LZTS1: variants seen among roughly 807,000 people sequenced by gnomAD.
LZTS1 encodes the protein leucine zipper putative tumor suppressor 1.
A neutral mutation model predicts 45.8 loss-of-function variants in LZTS1; 31 were observed. That is an observed-to-expected ratio of 0.68 (90% CI 0.51 to 0.91). The LOEUF (loss-of-function observed/expected upper bound fraction) is 0.91, where lower values mean the gene tolerates loss of function less well. Among genes scored for constraint, LZTS1 ranks in the 40% least tolerant of loss-of-function variants. The probability of loss-of-function intolerance (pLI) is 0.00; values close to 1 mark genes in which losing one functional copy is unlikely to be tolerated. For synonymous variants in LZTS1, 359 were observed against 357.3 expected (o/e 1.00, Z -0.05); for missense variants, 821 against 788.9 (o/e 1.04, Z -0.49).
chr8:20,303,956 G>A lies in LZTS1; in HGVS notation c.-351C>T. Reference sequence around the variant, plus strand: ...CAACCCGCCAGCTCCAGGCGCGCCGGCCTCTGCGCGGGTCCCGGAGCCGGG... The same window carrying A: ...CAACCCGCCAGCTCCAGGCGCGCCGACCTCTGCGCGGGTCCCGGAGCCGGG... On this transcript the variant is annotated 5_prime_UTR_variant, in exon 1 of 4. Transcript: ENST00000381569. The A allele has an allele frequency of 1.0e-6, 1 of 959,240 alleles. No individual in the cohort carries two copies. Among genetic ancestry groups the A allele is most frequent in the Non-Finnish European group, 1.2e-6 (1 of 807,480 alleles). The allele number at this position is 959,240 out of a possible 1,614,324, so 59.4% of individuals were successfully genotyped here.
intron 1 of LZTS1, among the ~76,000 whole-genome samples, chr8:20,270,316 G>A (rs1450258573): frequency 6.6e-6 from 1 of 152,224 alleles, no homozygotes; most frequent in Non-Finnish European, 1.5e-5. Flanking sequence ...AGGGGGAAGA[G>A]CATTCTATGC....
chr8:20,265,676 CAAAAAAAAAAAAAAAA>C (rs71222140), intron 1 of LZTS1, among the ~76,000 whole-genome samples: 1 of 42,996 alleles, frequency 2.3e-5, no homozygotes, highest in East Asian at 9.6e-4. Flanking sequence ...GACTCTGTCT[CAAAAAAAAAAAAAAAA>C]AAAAAAAAAA....
intron 1 of LZTS1, among the ~76,000 whole-genome samples, chr8:20,275,489 C>T (rs1563883344): frequency 6.6e-6 from 1 of 151,768 alleles, no homozygotes; most frequent in Non-Finnish European, 1.5e-5. Context: ...CCTGCAGACC[C>T]CAGAGAGAGG....
Position 20,260,125 on chromosome 8 carries a change from C to T in LZTS1, c.-134-4810G>A, listed in dbSNP as rs181429326. ...CTGTGTTGCCCATGCTGGTCTTAAACTCCTGACCTCAAGCTATCCTCCCAC... is the reference window on the plus strand; with the variant it reads ...CTGTGTTGCCCATGCTGGTCTTAAATTCCTGACCTCAAGCTATCCTCCCAC... On this transcript the variant is annotated intron_variant, in intron 1 of 3. Coordinates refer to ENST00000381569, the MANE Select transcript of LZTS1 (RefSeq NM_021020.5). 2.4e-3 allele frequency among the ~76,000 whole-genome samples: 370 copies of T among 152,324 alleles called. 2 individuals carry two copies. The highest frequency in any genetic ancestry group is 8.5e-3 in the African/African-American group (352 of 41,568).
At chr8:20,251,140 T>TATAA (rs1554550281) in intron 3 of LZTS1, among the ~76,000 whole-genome samples, 3 of 86,436 alleles carry the variant, frequency 3.5e-5, no homozygotes, top group African/African-American at 9.9e-5. Context: ...TATATATATA[T>TATAA]ATATATATAA....
At chr8:20,280,076 G>C (rs1414045300) in intron 1 of LZTS1, among the ~76,000 whole-genome samples, 1 of 152,000 alleles carries the variant, frequency 6.6e-6, no homozygotes, top group Non-Finnish European at 1.5e-5. Context: ...AGAGGTGAAG[G>C]AGGCCTTAGG....
chr8:20,255,431 T>C, intron 1 of LZTS1, 116 bp from the exon 2 acceptor site: 1 of 633,058 alleles, frequency 1.6e-6, no homozygotes, highest in South Asian at 2.8e-5. Flanking sequence ...CAGCACTGTC[T>C]CCACCACCGG....
chr8:20,257,822 A>C (rs1800142082), intron 1 of LZTS1, among the ~76,000 whole-genome samples: 1 of 152,066 alleles, frequency 6.6e-6, no homozygotes, highest in Non-Finnish European at 1.5e-5. Flanking sequence ...GGTGAGCACC[A>C]CCATGACTGG....
At position 20,303,781 on chromosome 8, in the gene LZTS1, TC is replaced by T. The variant is rs915866987; in HGVS notation, c.-177del. On this transcript the variant is annotated 5_prime_UTR_variant, in exon 1 of 4. Coordinates refer to ENST00000381569, the MANE Select transcript of LZTS1 (RefSeq NM_021020.5). ...GGGCGCACTTGAGACTTTTTTTTTTTCCCAGTGTTTCCCGGTGTGTTCCCGT... is the reference window on the plus strand; with the variant it reads ...GGGCGCACTTGAGACTTTTTTTTTTTCCAGTGTTTCCCGGTGTGTTCCCGT... 2.0e-6 allele frequency: 2 copies of T among 983,494 alleles called. No homozygotes were observed. Among genetic ancestry groups the T allele is most frequent in the South Asian group, 4.7e-5 (1 of 21,222 alleles). The allele number at this position is 983,494 out of a possible 1,614,324, so 60.9% of individuals were successfully genotyped here. A position where few individuals can be genotyped will look rare whatever the true frequency, so the allele number is the denominator to read the frequency against.
chr8:20,256,762 A>G (rs185557559), intron 1 of LZTS1, among the ~76,000 whole-genome samples: 69 of 152,306 alleles, frequency 4.5e-4, no homozygotes, highest in Non-Finnish European at 7.6e-4. Context: ...TGCAAAGCCT[A>G]TTTGGCATCC....
At chr8:20,265,123 G>T (rs754242213) in intron 1 of LZTS1, among the ~76,000 whole-genome samples, 4 of 152,178 alleles carry the variant, frequency 2.6e-5, no homozygotes, top group Non-Finnish European at 5.9e-5. Context: ...ATGGCTGGTA[G>T]GTTGCCGGGC....
In LZTS1 at chr8:20,251,139, ATATATATAT is replaced by A. The variant is rs1799893890; in HGVS notation, c.1150-785_1150-777del. Among the ~76,000 whole-genome samples, 6 of 109,466 alleles carry A rather than the reference ATATATATAT, an allele frequency of 5.5e-5. 1 individual carries two copies. The Admixed American group carries it at 5.7e-4, about 10-fold the overall frequency. 71.8% of individuals were successfully genotyped at this position (109,466 alleles called of 152,430 possible). On this transcript the variant is annotated intron_variant, in intron 3 of 3. Coordinates refer to ENST00000381569, the MANE Select transcript of LZTS1 (RefSeq NM_021020.5). ...TATATATATATATATATATATATATATATATATATAAAATATAAAGTATAAGAGTAGAGA... is the reference window on the plus strand; with the variant it reads ...TATATATATATATATATATATATATAAAAATATAAAGTATAAGAGTAGAGA...
intron 1 of LZTS1, among the ~76,000 whole-genome samples, chr8:20,302,283 G>A (rs1009203843): frequency 4.6e-5 from 7 of 152,138 alleles, no homozygotes; most frequent in Non-Finnish European, 1.0e-4. Flanking sequence ...CGCCACGCCT[G>A]ATTAGCCTGC....
chr8:20,267,322 A>C (rs1206564011), intron 1 of LZTS1, among the ~76,000 whole-genome samples: 3 of 151,894 alleles, frequency 2.0e-5, no homozygotes, highest in Non-Finnish European at 4.4e-5. Context: ...TGGATAGCAG[A>C]GGTGCGGGAG....
At position 20,255,248 on chromosome 8, in the gene LZTS1, C is replaced by T; in HGVS notation, c.-67G>A. 1 of 1,536,770 alleles carries T rather than the reference C, an allele frequency of 6.5e-7. No homozygotes were observed. Among genetic ancestry groups the T allele is most frequent in the Non-Finnish European group, 8.7e-7 (1 of 1,146,044 alleles). On this transcript the variant is annotated 5_prime_UTR_variant, in exon 2 of 4. Coordinates refer to ENST00000381569, the MANE Select transcript of LZTS1 (RefSeq NM_021020.5). Reference sequence around the variant, plus strand: ...TTGGAAAGGCTGTGGCAGCAAGGGGCAGTCGTGGCTCCGTGAGGGGACTGA... The same window carrying T: ...TTGGAAAGGCTGTGGCAGCAAGGGGTAGTCGTGGCTCCGTGAGGGGACTGA...
Position 20,254,982 on chromosome 8 carries a change from TAGA to T in LZTS1, c.197_199del (p.Phe66del). 6.2e-7 allele frequency: 1 copy of T among 1,614,194 alleles called. No homozygotes were observed. The highest frequency in any genetic ancestry group is 8.5e-7 in the Non-Finnish European group (1 of 1,180,040). ...CCGGGCTTTCTGGCTGACCTTGATG[TAGA>T]AGAAGTCTTCGCTCTTGCCCATTTT... On this transcript the variant is annotated inframe_deletion, in exon 2 of 4. Transcript: ENST00000381569.
At chr8:20,275,811 A>C (rs1347791287) in intron 1 of LZTS1, 1 of 152,304 alleles carries the variant, frequency 6.6e-6, no homozygotes, top group Non-Finnish European at 1.5e-5. Context: ...TGACTGTATC[A>C]TAACTGCTGG....
Position 20,252,895 on chromosome 8 carries a change from G to A in LZTS1, c.1036C>T (p.Arg346Trp), listed in dbSNP as rs148775156. The stretch of plus-strand genomic sequence containing the variant: ...TTCATGAGGCTCTCGAGCTCCTGCC[G>A]GAGCTGCCGCTTCTCCTGCTGAAGC... ...LQLQQEKRQL[R>W]QELESLMKEQ... is the part of the protein sequence containing the mutation. Residue 346 changes from arginine to tryptophan, a missense_variant, in exon 3 of 4, where the codon CGG becomes TGG. Transcript: ENST00000381569. The A allele has an allele frequency of 6.2e-6, 10 of 1,610,396 alleles. No individual in the cohort carries two copies. The highest frequency in any genetic ancestry group is 1.7e-5 in the Admixed American group (1 of 59,876).
At chr8:20,256,070 A>AAG (rs1800092621) in intron 1 of LZTS1, among the ~76,000 whole-genome samples, 1 of 150,572 alleles carries the variant, frequency 6.6e-6, no homozygotes, top group South Asian at 2.1e-4. Context: ...CAAAAAAAAA[A>AAG]AAAAAAAAAA....
Sources: gnomAD v4.1 joint callset for allele counts (sites outside exome capture counted in the v4.1 genomes callset) on GRCh38, gnomAD v4.1.1 for gene constraint, MANE v1.5 for transcripts, NCBI Gene and HGNC (gene_info 2026-07-23, HGNC 2026-07-21) for gene names.